LRP1B: variants seen among roughly 807,000 people sequenced by gnomAD.
The protein encoded by LRP1B is LDL receptor related protein 1B.
LRP1B carries 217 observed loss-of-function variants against 556.6 expected under a neutral mutation model. The observed-to-expected ratio is 0.39, with a 90% CI of 0.35 to 0.44. The LOEUF is 0.44. LRP1B is among the 20% of genes least tolerant of loss of function. The pLI, the probability that LRP1B is intolerant of heterozygous loss-of-function variation, is 1.00. For missense variants in LRP1B, 5,053 were observed against 5,620.8 expected, an observed-to-expected ratio of 0.90 and a Z score of 3.23; for synonymous variants, 2,047 against 1,865.8, an observed-to-expected ratio of 1.10 and a Z score of -2.50.
intron 63 of LRP1B, among the ~76,000 whole-genome samples, chr2:140,445,502 T>C (rs1220684129): frequency 1.3e-5 from 2 of 152,142 alleles, no homozygotes; most frequent in Non-Finnish European, 2.9e-5. Context: ...TTCATCCCTA[T>C]AATCCGATTA....
At chr2:141,351,043 G>T (rs999101026) in intron 3 of LRP1B, among the ~76,000 whole-genome samples, 2 of 151,870 alleles carry the variant, frequency 1.3e-5, no homozygotes, top group African/African-American at 2.4e-5. Context: ...CATTATAACG[G>T]GTACACTTAC....
intron 72 of LRP1B, among the ~76,000 whole-genome samples, chr2:140,361,422 ATAT>A (rs1649064835): frequency 7.0e-6 from 1 of 143,108 alleles, no homozygotes; most frequent in African/African-American, 2.6e-5. Context: ...ATTTCTTAAG[ATAT>A]TATTAAATAA....
intron 2 of LRP1B, among the ~76,000 whole-genome samples, chr2:141,762,295 T>C (rs1694585384): frequency 6.6e-6 from 1 of 151,842 alleles, no homozygotes; most frequent in Non-Finnish European, 1.5e-5. Flanking sequence ...TGATGCATAA[T>C]GGATGATGCC....
At chr2:140,740,481 T>C (rs945252273) in intron 35 of LRP1B, among the ~76,000 whole-genome samples, 3 of 152,092 alleles carry the variant, frequency 2.0e-5, no homozygotes, top group African/African-American at 4.8e-5. Flanking sequence ...GGCGTAAGAA[T>C]GATACATGGA....
intron 2 of LRP1B, among the ~76,000 whole-genome samples, chr2:141,503,242 TATATA>T (rs1036261521): frequency 1.6e-4 from 10 of 60,898 alleles, no homozygotes; most frequent in South Asian, 6.5e-4. Flanking sequence ...TACAATACAA[TATATA>T]ATATAATATA....
chr2:140,748,115 ATATATATATATATATATATAT>A (rs1688383501), intron 35 of LRP1B, among the ~76,000 whole-genome samples: 17 of 132,862 alleles, frequency 1.3e-4, no homozygotes, highest in Admixed American at 4.9e-4. Flanking sequence ...ATATATATAT[ATATATATATATATATATATAT>A]AATTCATATA....
At chr2:141,615,984 C>T (rs145469805) in intron 2 of LRP1B, among the ~76,000 whole-genome samples, 14 of 152,128 alleles carry the variant, frequency 9.2e-5, no homozygotes, top group African/African-American at 2.6e-4. Flanking sequence ...CCCAAATCCT[C>T]GTTGTAAAAA....
chr2:140,373,145 AAAC>A lies in LRP1B; in HGVS notation c.10639-11_10639-9del, dbSNP rs1683066744. Reference sequence around the variant, plus strand: ...ACTTGTCTCACAATTTCTCTATGAAAAACAACAGAGATATAATCAAAATTAAAA... The same window carrying A: ...ACTTGTCTCACAATTTCTCTATGAAAAACAGAGATATAATCAAAATTAAAA... On this transcript the variant is annotated splice_polypyrimidine_tract_variant and intron_variant, in intron 68 of 90. Transcript: ENST00000389484. 1 of 1,612,096 alleles carries A rather than the reference AAAC, an allele frequency of 6.2e-7. No individual in the cohort carries two copies. The highest frequency in any genetic ancestry group is 1.1e-5 in the South Asian group (1 of 90,992).
intron 3 of LRP1B, among the ~76,000 whole-genome samples, chr2:141,398,478 A>C (rs1454041476): frequency 6.6e-6 from 1 of 152,182 alleles, no homozygotes; most frequent in East Asian, 1.9e-4. Context: ...ATAGCCATAC[A>C]GAGTGGTGAA....
intron 3 of LRP1B, among the ~76,000 whole-genome samples, chr2:141,259,770 C>T (rs1684617127): frequency 6.6e-6 from 1 of 152,148 alleles, no homozygotes; most frequent in Non-Finnish European, 1.5e-5. Flanking sequence ...ACATGCTTTG[C>T]CTCATCTCTA....
chr2:140,672,021 A>C (rs1370603621), intron 41 of LRP1B, among the ~76,000 whole-genome samples: 3 of 152,184 alleles, frequency 2.0e-5, no homozygotes, highest in Non-Finnish European at 2.9e-5. Flanking sequence ...CATCATCTAA[A>C]TCAGCTATGT....
chr2:140,533,954 A>C, intron 47 of LRP1B, 67 bp downstream of exon 47: 2 of 1,574,446 alleles, frequency 1.3e-6, no homozygotes, highest in Non-Finnish European at 8.7e-7. Flanking sequence ...CTCAGAAACG[A>C]ATGTTGGAAA....
intron 35 of LRP1B, among the ~76,000 whole-genome samples, chr2:140,731,064 A>G (rs958372932): frequency 2.0e-5 from 3 of 151,990 alleles, no homozygotes; most frequent in Non-Finnish European, 4.4e-5. Flanking sequence ...TTCTCCTGCC[A>G]TTTCCTCTGC....
intron 84 of LRP1B, among the ~76,000 whole-genome samples, chr2:140,284,186 T>C (rs1322454469): frequency 6.6e-6 from 1 of 151,710 alleles, no homozygotes; most frequent in Non-Finnish European, 1.5e-5. Flanking sequence ...TCTACAGTGT[T>C]AATATTTTAC....
intron 1 of LRP1B, among the ~76,000 whole-genome samples, chr2:141,873,037 T>C (rs1010137810): frequency 1.3e-5 from 2 of 151,992 alleles, no homozygotes; most frequent in Non-Finnish European, 2.9e-5. Flanking sequence ...AGCAAATGAA[T>C]AATGGTGAGT....
chr2:140,910,906 C>T (rs1268898043), intron 21 of LRP1B, among the ~76,000 whole-genome samples: 1 of 151,814 alleles, frequency 6.6e-6, no homozygotes, highest in African/African-American at 2.4e-5. Flanking sequence ...CTCTTCACCA[C>T]AGTAATTCTA....
intron 1 of LRP1B, among the ~76,000 whole-genome samples, chr2:141,871,168 T>G (rs1698574587): frequency 6.6e-6 from 1 of 151,996 alleles, no homozygotes; most frequent in Non-Finnish European, 1.5e-5. Flanking sequence ...ATCCCTCAAC[T>G]TGACCTCCTC....
At chr2:141,689,624 T>C (rs1201145893) in intron 2 of LRP1B, among the ~76,000 whole-genome samples, 1 of 151,804 alleles carries the variant, frequency 6.6e-6, no homozygotes, top group Non-Finnish European at 1.5e-5. Flanking sequence ...AAAAGCCAAA[T>C]TTAATCTGAG....
At chr2:140,682,506 G>T (rs1685892425) in intron 41 of LRP1B, among the ~76,000 whole-genome samples, 1 of 152,174 alleles carries the variant, frequency 6.6e-6, no homozygotes, top group Non-Finnish European at 1.5e-5. Flanking sequence ...CTTGCCTTGG[G>T]CTGGGCTGCA....
Sources: gnomAD v4.1 joint callset for allele counts (sites outside exome capture counted in the v4.1 genomes callset) on GRCh38, gnomAD v4.1.1 for gene constraint, MANE v1.5 for transcripts, NCBI Gene and HGNC (gene_info 2026-07-23, HGNC 2026-07-21) for gene names.